The following MCM9 variants were observed in gnomAD, a reference collection of about 807,000 sequenced individuals.
The protein encoded by MCM9 is DNA helicase MCM9.
MCM9 carries 55 observed loss-of-function variants against 72.8 expected under a neutral mutation model. The observed-to-expected ratio is 0.76, with a 90% CI of 0.61 to 0.95. The LOEUF is 0.95. Ranked by LOEUF, MCM9 falls within the 40% of genes least tolerant of loss-of-function variation. The pLI is 0.00. For missense variants in MCM9, 1,279 were observed against 1,377.0 expected (o/e 0.93, Z 1.13); for synonymous variants, 480 against 503.4 (o/e 0.95, Z 0.62).
At chr6:118,869,213 G>T (rs1777421535) in intron 8 of MCM9, among the ~76,000 whole-genome samples, 1 of 152,010 alleles carries the variant, frequency 6.6e-6, no homozygotes, top group African/African-American at 2.4e-5. Context: ...TGAACAATGA[G>T]AACACTTGGA....
chr6:118,884,495 T>TA (rs1327055114), intron 8 of MCM9, among the ~76,000 whole-genome samples: 1 of 150,996 alleles, frequency 6.6e-6, no homozygotes, highest in African/African-American at 2.4e-5. Flanking sequence ...AGGAAAGCAG[T>TA]AAAAAAGGAA....
intron 13 of MCM9, among the ~76,000 whole-genome samples, chr6:118,824,561 G>A (rs925998267): frequency 5.9e-5 from 9 of 152,074 alleles, no homozygotes; most frequent in African/African-American, 2.2e-4. Context: ...TGCCCACCTT[G>A]GCCTCACAAA....
At chr6:118,916,439 A>C (rs1461677291) in intron 6 of MCM9, among the ~76,000 whole-genome samples, 130 of 78,076 alleles carry the variant, frequency 1.7e-3, no homozygotes, top group African/African-American at 9.0e-3. Flanking sequence ...AAGCATTATT[A>C]TTATTATTAT....
At chr6:118,873,159 G>C (rs1583496921) in intron 8 of MCM9, among the ~76,000 whole-genome samples, 1 of 127,406 alleles carries the variant, frequency 7.8e-6, no homozygotes, top group South Asian at 3.1e-4. Flanking sequence ...GTAACACAGT[G>C]AGACAGGAAG....
At chr6:118,854,081 T>C (rs1353559536) in intron 9 of MCM9, among the ~76,000 whole-genome samples, 2 of 152,248 alleles carry the variant, frequency 1.3e-5, no homozygotes, top group African/African-American at 2.4e-5. Context: ...TATTTATACA[T>C]TGACCTTTTA....
intron 9 of MCM9, among the ~76,000 whole-genome samples, chr6:118,834,039 G>A (rs1774780569): frequency 6.6e-6 from 1 of 151,782 alleles, no homozygotes; most frequent in Non-Finnish European, 1.5e-5. Context: ...CCCCCACCCA[G>A]TGTGTGATGT....
intron 13 of MCM9, among the ~76,000 whole-genome samples, chr6:118,821,801 G>A (rs1392870926): frequency 6.6e-6 from 1 of 152,024 alleles, no homozygotes; most frequent in African/African-American, 2.4e-5. Flanking sequence ...CATATTTCTT[G>A]GAGGTTTTAT....
intron 8 of MCM9, among the ~76,000 whole-genome samples, chr6:118,863,464 T>C (rs1273987192): frequency 6.6e-6 from 1 of 152,102 alleles, no homozygotes; most frequent in Non-Finnish European, 1.5e-5. Context: ...ATAAAAAGCA[T>C]CAAAGACAAA....
chr6:118,861,186 CA>C (rs2114701770), intron 8 of MCM9, among the ~76,000 whole-genome samples: 1 of 152,304 alleles, frequency 6.6e-6, no homozygotes, highest in South Asian at 2.1e-4. Context: ...CCAGACGTAC[CA>C]TAAGCAGCTT....
intron 3 of MCM9, among the ~76,000 whole-genome samples, chr6:118,929,045 C>G (rs891053431): frequency 6.6e-6 from 1 of 152,058 alleles, no homozygotes; most frequent in African/African-American, 2.4e-5. Flanking sequence ...CATGGCAAAA[C>G]TCTGTCTCTA....
At chr6:118,894,216 T>C (rs1474427390) in intron 8 of MCM9, 10 of 1,408,582 alleles carry the variant, frequency 7.1e-6, no homozygotes, top group Non-Finnish European at 9.2e-6. Context: ...GGCTGTAGTT[T>C]AGTGAAATAG....
Position 118,907,253 on chromosome 6 carries a change from A to G in MCM9, c.1150+4397T>C, listed in dbSNP as rs558504247. 1.0e-4 allele frequency: 61 copies of G among 606,936 alleles called. No individual in the cohort carries two copies. In the African/African-American group the frequency reaches 1.1e-3, roughly 11 times the overall value. 37.6% of individuals were successfully genotyped at this position (606,936 alleles called of 1,614,324 possible). On this transcript the variant is annotated intron_variant, in intron 8 of 13. Coordinates refer to ENST00000619706, the MANE Select transcript of MCM9 (RefSeq NM_017696.3). ...CTAGTCGTTACATCTTATTAGTTATATTTAAGGTACTTAACTTGAATTATA... is the reference window on the plus strand; with the variant it reads ...CTAGTCGTTACATCTTATTAGTTATGTTTAAGGTACTTAACTTGAATTATA...
chr6:118,823,489 T>C (rs1773955796), intron 13 of MCM9, among the ~76,000 whole-genome samples: 1 of 152,204 alleles, frequency 6.6e-6, no homozygotes, highest in South Asian at 2.1e-4. Flanking sequence ...AGAAATCACC[T>C]GCCTTCTGCA....
At chr6:118,891,053 T>C (rs1344686141) in intron 8 of MCM9, among the ~76,000 whole-genome samples, 1 of 152,236 alleles carries the variant, frequency 6.6e-6, no homozygotes, top group Non-Finnish European at 1.5e-5. Flanking sequence ...TTTTAGTATA[T>C]TTGAATTCGC....
At chr6:118,841,750 T>G (rs1340619924) in intron 9 of MCM9, among the ~76,000 whole-genome samples, 1 of 152,040 alleles carries the variant, frequency 6.6e-6, no homozygotes, top group African/African-American at 2.4e-5. Context: ...TTTTCGTCTT[T>G]AAGGTGCCAG....
intron 9 of MCM9, among the ~76,000 whole-genome samples, chr6:118,843,402 G>A (rs911385940): frequency 1.3e-5 from 2 of 151,462 alleles, no homozygotes; most frequent in African/African-American, 4.9e-5. Context: ...GCTGAGACAG[G>A]CAGATCATCT....
At chr6:118,930,982 G>A (rs763729762) in intron 3 of MCM9, among the ~76,000 whole-genome samples, 24 of 152,170 alleles carry the variant, frequency 1.6e-4, no homozygotes, top group Non-Finnish European at 3.2e-4. Flanking sequence ...AAAATGTATC[G>A]AGTAACTGGT....
At chr6:118,916,483 G>A (rs1780973391) in intron 6 of MCM9, among the ~76,000 whole-genome samples, 1 of 147,890 alleles carries the variant, frequency 6.8e-6, no homozygotes, top group South Asian at 2.1e-4. Flanking sequence ...TTATGAGACA[G>A]AGTCTCACTC....
intron 8 of MCM9, among the ~76,000 whole-genome samples, chr6:118,890,479 A>G (rs548647057): frequency 1.3e-5 from 2 of 152,316 alleles, no homozygotes; most frequent in South Asian, 2.1e-4. Context: ...CTATTTTAAC[A>G]TAACTGGTTA....
Sources: allele counts gnomAD v4.1 joint callset (sites outside exome capture counted in the v4.1 genomes callset), GRCh38; gene constraint gnomAD v4.1.1; transcripts MANE v1.5; gene names NCBI Gene and HGNC (gene_info 2026-07-23, HGNC 2026-07-21).